Variants in ARID1B observed in about 807,000 individuals in gnomAD.
The protein encoded by ARID1B is AT-rich interactive domain-containing protein 1B.
A neutral mutation model predicts 212.3 loss-of-function variants in ARID1B; 30 were observed. The ratio of observed to expected loss-of-function variants is 0.14; its 90% CI spans 0.11 to 0.19. The LOEUF is 0.19. Ranked by LOEUF, ARID1B falls within the 10% of genes least tolerant of loss-of-function variation. The pLI is 1.00. For synonymous variants in ARID1B, 1,402 were observed against 1,301.7 expected, an observed-to-expected ratio of 1.08 and a Z score of -1.66; for missense variants, 2,891 against 3,204.0, an observed-to-expected ratio of 0.90 and a Z score of 2.36.
chr6:156,791,865 G>A (rs1027703240), intron 1 of ARID1B, among the ~76,000 whole-genome samples: 1 of 152,130 alleles, frequency 6.6e-6, no homozygotes, highest in African/African-American at 2.4e-5. Flanking sequence ...GTTATTATGG[G>A]CATTGCTAAT....
rs982327401 is a variant in ARID1B at position 156,884,690 on chromosome 6, G to A, written c.1987-16686G>A. On this transcript the variant is annotated intron_variant, in intron 2 of 19. Transcript: ENST00000636930. Reference sequence around the variant, plus strand: ...AGGATTATTAGGCTACCACTAGTTTGGGGAGTGAAGAGCAATGGAAAAAGG... The same window carrying A: ...AGGATTATTAGGCTACCACTAGTTTAGGGAGTGAAGAGCAATGGAAAAAGG... Among the ~76,000 whole-genome samples, 9 of 152,338 alleles carry A rather than the reference G, an allele frequency of 5.9e-5. No individual in the cohort carries two copies. In the South Asian group the frequency reaches 1.9e-3, roughly 32 times the overall value.
In ARID1B at chr6:157,139,710, C is replaced by CTA. The variant is rs982769387; in HGVS notation, c.2761+6512_2761+6513dup. 5.3e-5 allele frequency among the ~76,000 whole-genome samples: 8 copies of CTA among 150,888 alleles called. No individual in the cohort carries two copies. The South Asian group carries it at 6.2e-4, about 12-fold the overall frequency. ...TATATTAAACTATATATAGAGAGAGCTATATATATAATTATTATTTTTTTT... is the reference window on the plus strand; with the variant it reads ...TATATTAAACTATATATAGAGAGAGCTATATATATATAATTATTATTTTTTTT... On this transcript the variant is annotated intron_variant, in intron 7 of 19. Coordinates refer to ENST00000636930, the MANE Select transcript of ARID1B (RefSeq NM_001374828.1).
chr6:157,011,848 A>G lies in ARID1B; in HGVS notation c.2248-72814A>G, dbSNP rs563358844. Among the ~76,000 whole-genome samples the G allele has an allele frequency of 6.6e-5, 10 of 152,358 alleles. No individual in the cohort carries two copies. In the East Asian group the frequency reaches 1.9e-3, roughly 29 times the overall value. ...TTCTCAGAATTTATGATAATAAGGA[A>G]CCGACAGATTCAGGAAGCATACTGC... On this transcript the variant is annotated intron_variant, in intron 4 of 19. Coordinates refer to ENST00000636930, the MANE Select transcript of ARID1B (RefSeq NM_001374828.1).
chr6:157,039,686 C>CTTCTTTCTTTCTTTCTTTCTTTCTTTCT (rs1562569253), intron 4 of ARID1B, among the ~76,000 whole-genome samples: 2 of 68,716 alleles, frequency 2.9e-5, no homozygotes, highest in African/African-American at 1.0e-4. Flanking sequence ...TCCTTCCTTC[C>CTTCTTTCTTTCTTTCTTTCTTTCTTTCT]TTCCTTCCTT....
intron 4 of ARID1B, among the ~76,000 whole-genome samples, chr6:157,041,231 A>G (rs1781853427): frequency 6.6e-6 from 1 of 152,212 alleles, no homozygotes; most frequent in African/African-American, 2.4e-5. Context: ...CGTGCCTTGT[A>G]TATCATTAAT....
intron 3 of ARID1B, among the ~76,000 whole-genome samples, chr6:156,908,928 T>G (rs1402928408): frequency 6.6e-6 from 1 of 152,036 alleles, no homozygotes. Flanking sequence ...CAGAATGACA[T>G]AATGAGCACT....
intron 4 of ARID1B, among the ~76,000 whole-genome samples, chr6:157,048,001 A>G (rs1341879857): frequency 1.3e-5 from 2 of 152,194 alleles, no homozygotes; most frequent in Non-Finnish European, 2.9e-5. Flanking sequence ...ATCCTAGGGA[A>G]GATGGGGGTG....
chr6:156,837,378 A>G (rs1195626710), intron 2 of ARID1B, among the ~76,000 whole-genome samples: 2 of 152,342 alleles, frequency 1.3e-5, no homozygotes, highest in East Asian at 3.9e-4. Context: ...ATTGAACAAC[A>G]TTGGGACAGA....
chr6:156,960,874 A>G (rs1422066815), intron 4 of ARID1B, among the ~76,000 whole-genome samples: 1 of 152,200 alleles, frequency 6.6e-6, no homozygotes, highest in Non-Finnish European at 1.5e-5. Flanking sequence ...TTCCCTGTGC[A>G]TTTTATGAAA....
At chr6:156,855,833 C>G (rs1428406764) in intron 2 of ARID1B, among the ~76,000 whole-genome samples, 1 of 152,078 alleles carries the variant, frequency 6.6e-6, no homozygotes, top group Non-Finnish European at 1.5e-5. Flanking sequence ...AATCTAGGAA[C>G]CAGATGGCTA....
chr6:157,122,317 G>C (rs974957152), intron 6 of ARID1B, among the ~76,000 whole-genome samples: 8 of 152,186 alleles, frequency 5.3e-5, no homozygotes, highest in African/African-American at 1.9e-4. Context: ...ATTTTTCACT[G>C]ATGCTAATAT....
chr6:156,887,518 A>G (rs1458838710), intron 2 of ARID1B, among the ~76,000 whole-genome samples: 1 of 152,242 alleles, frequency 6.6e-6, no homozygotes, highest in Non-Finnish European at 1.5e-5. Context: ...CTTAGACTGT[A>G]TCTTTTTAAA....
chr6:157,203,727 T>A lies in ARID1B; in HGVS notation c.5264-139T>A, dbSNP rs1409369518. ...ATTTAAAATCGGAAATGATCACGCT[T>A]AACTGTCCTTGAGAGCATTTGTTTA... On this transcript the variant is annotated intron_variant, in intron 18 of 19. Coordinates refer to ENST00000636930, the MANE Select transcript of ARID1B (RefSeq NM_001374828.1). The surrounding 1 kb of genome is among the most constrained non-coding windows in gnomAD (Gnocchi z 4.4). 1 of 1,086,784 alleles carries A rather than the reference T, an allele frequency of 9.2e-7. No individual in the cohort carries two copies. The highest frequency in any genetic ancestry group is 1.4e-6 in the Non-Finnish European group (1 of 736,622). 67.3% of individuals were successfully genotyped at this position (1,086,784 alleles called of 1,614,324 possible). A position where few individuals can be genotyped will look rare whatever the true frequency, so the allele number is the denominator to read the frequency against.
chr6:156,987,628 C>T (rs989389625), intron 4 of ARID1B, among the ~76,000 whole-genome samples: 2 of 152,150 alleles, frequency 1.3e-5, no homozygotes, highest in African/African-American at 4.8e-5. Flanking sequence ...CCACGCCCGG[C>T]CCAGTGCTAG....
At chr6:156,858,077 C>T (rs570134975) in intron 2 of ARID1B, among the ~76,000 whole-genome samples, 4 of 152,064 alleles carry the variant, frequency 2.6e-5, no homozygotes, top group South Asian at 2.1e-4. Flanking sequence ...TTTCGAACAA[C>T]GTGGATGAAA....
chr6:156,781,957 A>G (rs1266465083), intron 1 of ARID1B, among the ~76,000 whole-genome samples: 2 of 98,998 alleles, frequency 2.0e-5, no homozygotes, highest in Admixed American at 1.3e-4. Flanking sequence ...TTATGTCCCT[A>G]TGACCCTTGG....
chr6:156,787,065 CCAAT>C (rs1779692815), intron 1 of ARID1B, among the ~76,000 whole-genome samples: 1 of 151,138 alleles, frequency 6.6e-6, no homozygotes, highest in Non-Finnish European at 1.5e-5. Context: ...TCCATTTCTA[CCAAT>C]CAGTTACTGG....
At chr6:156,837,592 C>A (rs1783599800) in intron 2 of ARID1B, among the ~76,000 whole-genome samples, 1 of 152,050 alleles carries the variant, frequency 6.6e-6, no homozygotes, top group African/African-American at 2.4e-5. Context: ...TTCTTTATGG[C>A]AGTTTGATTA....
At chr6:157,075,069 A>G (rs890230729) in intron 4 of ARID1B, among the ~76,000 whole-genome samples, 1 of 152,222 alleles carries the variant, frequency 6.6e-6, no homozygotes, top group Non-Finnish European at 1.5e-5. Flanking sequence ...TAAAGTGGTT[A>G]TATGCTCTTG....
Sources: allele counts gnomAD v4.1 joint callset (sites outside exome capture counted in the v4.1 genomes callset), GRCh38; gene constraint gnomAD v4.1.1; non-coding constraint Gnocchi (gnomAD v3.1); transcripts MANE v1.5; gene names NCBI Gene and HGNC (gene_info 2026-07-23, HGNC 2026-07-21).